The following BICC1 variants were observed in gnomAD, a reference collection of about 807,000 sequenced individuals.
The protein encoded by BICC1 is BicC family RNA binding protein 1.
BICC1 carries 43 observed loss-of-function variants against 111.0 expected under a neutral mutation model. The observed-to-expected ratio is 0.39, with a 90% CI of 0.30 to 0.50. The LOEUF (loss-of-function observed/expected upper bound fraction) is 0.50, where lower values mean the gene tolerates loss of function less well. BICC1 is among the 20% of genes least tolerant of loss of function. BICC1 has a pLI of 0.88. For missense variants in BICC1, 1,091 were observed against 1,203.2 expected (o/e 0.91, Z 1.38); for synonymous variants, 467 against 434.4 (o/e 1.07, Z -0.93).
intron 3 of BICC1, among the ~76,000 whole-genome samples, chr10:58,776,660 T>C (rs1842756669): frequency 6.6e-6 from 1 of 152,126 alleles, no homozygotes; most frequent in African/African-American, 2.4e-5. Flanking sequence ...CTTGGCTTCG[T>C]CTCCACCATC....
chr10:58,765,803 A>G (rs1007996206), intron 3 of BICC1, among the ~76,000 whole-genome samples: 1 of 152,246 alleles, frequency 6.6e-6, no homozygotes, highest in African/African-American at 2.4e-5. Context: ...CATGTCAAAA[A>G]AGCTGATGCC....
chr10:58,761,264 G>T (rs927621885), intron 3 of BICC1, among the ~76,000 whole-genome samples: 3 of 152,162 alleles, frequency 2.0e-5, no homozygotes, highest in Non-Finnish European at 4.4e-5. Flanking sequence ...TCTACAAAAG[G>T]AGCCGAGTGC....
intron 3 of BICC1, among the ~76,000 whole-genome samples, chr10:58,771,042 C>A (rs1842611314): frequency 6.6e-6 from 1 of 152,218 alleles, no homozygotes; most frequent in South Asian, 2.1e-4. Context: ...ATCCTTACAA[C>A]AATCTATTTC....
intron 1 of BICC1, among the ~76,000 whole-genome samples, chr10:58,598,573 A>G (rs1380967005): frequency 1.3e-5 from 2 of 152,188 alleles, no homozygotes; most frequent in East Asian, 1.9e-4. Flanking sequence ...AACCTGGGCA[A>G]TACCATTCAG....
At chr10:58,524,181 A>T (rs1304924122) in intron 1 of BICC1, among the ~76,000 whole-genome samples, 3 of 152,168 alleles carry the variant, frequency 2.0e-5, no homozygotes, top group Admixed American at 1.3e-4. Flanking sequence ...GACTTTCTTC[A>T]CAGAATTGGA....
chr10:58,625,355 T>C (rs1184551323), intron 2 of BICC1, among the ~76,000 whole-genome samples: 1 of 152,208 alleles, frequency 6.6e-6, no homozygotes, highest in Non-Finnish European at 1.5e-5. Context: ...GGGTCAGTGA[T>C]TGTATTACAC....
intron 2 of BICC1, among the ~76,000 whole-genome samples, chr10:58,697,297 T>C (rs762071595): frequency 1.2e-4 from 18 of 152,210 alleles, no homozygotes; most frequent in Non-Finnish European, 2.1e-4. Flanking sequence ...CTTGAAAAAG[T>C]GTCAGTGTCT....
chr10:58,513,216 G>A lies in BICC1; in HGVS notation c.73G>A (p.Asp25Asn), dbSNP rs771487235. 5.0e-6 allele frequency: 8 copies of A among 1,611,186 alleles called. No individual in the cohort carries two copies. Among genetic ancestry groups the A allele is most frequent in the Non-Finnish European group, 5.9e-6 (7 of 1,179,086 alleles). ...CGGCTCCAACAGCGAGCGCAGCACC[G>A]ACTCCCCAGTGCCCGGCTCCGAGGA... ...DPGSNSERST[D>N]SPVPGSEDDL... The change falls in exon 1 of 21, where the codon GAC becomes AAC. Residue 25 changes from aspartate (D) to asparagine (N), a missense_variant. Asp to Asn is a conservative substitution (Grantham distance 23, BLOSUM62 1). Around this residue, in one of 3 missense-constraint regions of BICC1, gnomAD observed 843 missense variants for 900.8 expected, o/e 0.94. Transcript: ENST00000373886.
chr10:58,732,274 G>A (rs1403185457), intron 3 of BICC1, among the ~76,000 whole-genome samples: 1 of 149,236 alleles, frequency 6.7e-6, no homozygotes, highest in Non-Finnish European at 1.5e-5. Context: ...GAGAGAGAGA[G>A]AGAGAGAGAA....
At chr10:58,764,301 A>G (rs1394807024) in intron 3 of BICC1, among the ~76,000 whole-genome samples, 2 of 152,338 alleles carry the variant, frequency 1.3e-5, no homozygotes, top group Middle Eastern at 3.4e-3. Context: ...ATCAGCTTAC[A>G]TACCTAGAGA....
In BICC1 at chr10:58,801,018, T is replaced by C. The variant is rs771760875; in HGVS notation, c.1987T>C (p.Leu663=). Reference sequence around the variant, plus strand: ...TGCCAAAAGGCAGACAGTGGAACTATTGCAAGGCACGAAAAACTCACACTT... The same window carrying C: ...TGCCAAAAGGCAGACAGTGGAACTACTGCAAGGCACGAAAAACTCACACTT... ...SCAKRQTVEL[L]QGTKNSHLHS... Residue 663 remains leucine, a synonymous_variant, in exon 14 of 21, where the codon TTG becomes CTG. Transcript: ENST00000373886. 23 of 1,609,616 alleles carry C rather than the reference T, an allele frequency of 1.4e-5. No homozygotes were observed. The South Asian group carries it at 2.6e-4, about 18-fold the overall frequency.
At chr10:58,626,372 A>G (rs1301416939) in intron 2 of BICC1, among the ~76,000 whole-genome samples, 4 of 152,218 alleles carry the variant, frequency 2.6e-5, no homozygotes, top group African/African-American at 9.7e-5. Context: ...TCTAGATAGG[A>G]ATAACTGGCT....
At chr10:58,772,799 A>G (rs1464858202) in intron 3 of BICC1, among the ~76,000 whole-genome samples, 1 of 152,144 alleles carries the variant, frequency 6.6e-6, no homozygotes, top group Non-Finnish European at 1.5e-5. Flanking sequence ...ACTTCAATGT[A>G]TTTGAGGTTT....
At chr10:58,774,571 G>A (rs1447006818) in intron 3 of BICC1, among the ~76,000 whole-genome samples, 2 of 152,160 alleles carry the variant, frequency 1.3e-5, no homozygotes, top group African/African-American at 4.8e-5. Context: ...GAAATTACCT[G>A]TGACTCTGTT....
chr10:58,607,173 G>A (rs920485345), intron 1 of BICC1, among the ~76,000 whole-genome samples: 2 of 151,912 alleles, frequency 1.3e-5, no homozygotes, highest in Non-Finnish European at 2.9e-5. Context: ...AAAATTAGCC[G>A]AGTGTGGTGG....
At chr10:58,691,232 A>C (rs1839899278) in intron 2 of BICC1, among the ~76,000 whole-genome samples, 1 of 152,078 alleles carries the variant, frequency 6.6e-6, no homozygotes, top group African/African-American at 2.4e-5. Context: ...TTTACAGTAG[A>C]TCTCTAGGAA....
chr10:58,597,029 T>G (rs1844839018), intron 1 of BICC1, among the ~76,000 whole-genome samples: 1 of 152,202 alleles, frequency 6.6e-6, no homozygotes, highest in South Asian at 2.1e-4. Context: ...CCACTGACTT[T>G]CCATACAAAA....
intron 3 of BICC1, among the ~76,000 whole-genome samples, chr10:58,726,388 C>T (rs902711087): frequency 2.0e-5 from 3 of 152,124 alleles, no homozygotes; most frequent in African/African-American, 4.8e-5. Flanking sequence ...ATCTCAAAGT[C>T]GAGAACAGGC....
chr10:58,525,478 C>A (rs1284530415), intron 1 of BICC1, among the ~76,000 whole-genome samples: 1 of 129,466 alleles, frequency 7.7e-6, no homozygotes, highest in Non-Finnish European at 1.6e-5. Context: ...AACCAAACAC[C>A]GCATGTTCTC....
Sources: allele counts gnomAD v4.1 joint callset (sites outside exome capture counted in the v4.1 genomes callset), GRCh38; gene constraint gnomAD v4.1.1; regional missense constraint gnomAD v4.1.1; transcripts MANE v1.5; gene names NCBI Gene and HGNC (gene_info 2026-07-23, HGNC 2026-07-21).